The following CDH2 variants were observed in gnomAD, a reference collection of about 807,000 sequenced individuals.
CDH2 encodes cadherin 2.
CDH2 carries 17 observed loss-of-function variants against 92.0 expected under a neutral mutation model. That is an observed-to-expected ratio of 0.18 (90% CI 0.13 to 0.28). The LOEUF is 0.28. CDH2 is among the 10% of genes least tolerant of loss of function. The pLI is 1.00. For synonymous variants in CDH2, 419 were observed against 415.9 expected (o/e 1.01, Z -0.09); for missense variants, 862 against 1,133.1 (o/e 0.76, Z 3.44).
At chr18:27,992,320 A>C (rs1044348169) in intron 9 of CDH2, among the ~76,000 whole-genome samples, 1 of 152,184 alleles carries the variant, frequency 6.6e-6, no homozygotes, top group Admixed American at 6.5e-5. Context: ...GGCCAGTCCT[A>C]TCCTCAGATT....
chr18:28,055,627 T>G (rs2014277441), intron 2 of CDH2, among the ~76,000 whole-genome samples: 1 of 152,214 alleles, frequency 6.6e-6, no homozygotes, highest in African/African-American at 2.4e-5. Context: ...TTTCTAAAAT[T>G]TATAAAGAGC....
At chr18:28,161,833 G>A (rs1339690092) in intron 1 of CDH2, among the ~76,000 whole-genome samples, 1 of 151,976 alleles carries the variant, frequency 6.6e-6, no homozygotes, top group African/African-American at 2.4e-5. Context: ...TTGACCTTTG[G>A]CCAACTTAGA....
chr18:27,955,446 G>A (rs1402475088), intron 15 of CDH2, among the ~76,000 whole-genome samples: 11 of 148,132 alleles, frequency 7.4e-5, no homozygotes, highest in East Asian at 2.0e-4. Flanking sequence ...AAATTAGCCC[G>A]AAAGGGTCAA....
At chr18:28,149,977 T>C (rs946724312) in intron 1 of CDH2, among the ~76,000 whole-genome samples, 1 of 152,238 alleles carries the variant, frequency 6.6e-6, no homozygotes, top group Non-Finnish European at 1.5e-5. Context: ...GACAGTCTGA[T>C]ACTTGACACG....
chr18:27,958,808 C>T (rs1598988220), intron 15 of CDH2, among the ~76,000 whole-genome samples: 1 of 152,064 alleles, frequency 6.6e-6, no homozygotes, highest in African/African-American at 2.4e-5. Flanking sequence ...GCCGCTCTCA[C>T]GATAGTGCGT....
intron 1 of CDH2, among the ~76,000 whole-genome samples, chr18:28,160,345 A>AGTGCTGAGGGGCCTCAGCTTGAAC (rs1376261503): frequency 1.6e-4 from 25 of 152,254 alleles, no homozygotes; most frequent in South Asian, 1.5e-3. Context: ...GGACTCTGGA[A>AGTGCTGAGGGGCCTCAGCTTGAAC]GTGCTGAGGG....
chr18:27,987,538 C>A (rs2012274243), intron 11 of CDH2, among the ~76,000 whole-genome samples: 1 of 152,158 alleles, frequency 6.6e-6, no homozygotes, highest in Non-Finnish European at 1.5e-5. Context: ...ACACCAACTT[C>A]AACCACCAAA....
At chr18:28,122,479 G>C (rs1016608483) in intron 2 of CDH2, among the ~76,000 whole-genome samples, 3 of 151,918 alleles carry the variant, frequency 2.0e-5, no homozygotes, top group African/African-American at 7.3e-5. Context: ...TACGCTATTA[G>C]CAAAGTCAAC....
chr18:28,044,743 CAT>C (rs2014037577), intron 2 of CDH2, among the ~76,000 whole-genome samples: 1 of 150,928 alleles, frequency 6.6e-6, no homozygotes, highest in Admixed American at 6.6e-5. Context: ...GAAGCTTGCA[CAT>C]GTTTTCAACT....
intron 2 of CDH2, among the ~76,000 whole-genome samples, chr18:28,053,848 G>C (rs182262779): frequency 1.3e-5 from 2 of 152,208 alleles, no homozygotes; most frequent in African/African-American, 4.8e-5. Flanking sequence ...GAGGAATGCA[G>C]GAGAGGTACC....
At position 28,007,165 on chromosome 18, in the gene CDH2, A is replaced by AAAAAAATATATAT. The variant is rs1172779200; in HGVS notation, c.703-1173_703-1172insATATATATTTTTT. 1.2e-4 allele frequency among the ~76,000 whole-genome samples: 13 copies of AAAAAAATATATAT among 110,464 alleles called. 1 individual carries two copies. The highest frequency in any genetic ancestry group is 4.9e-4 in the African/African-American group (11 of 22,580). The allele number at this position is 110,464 out of a possible 152,430, so 72.5% of individuals were successfully genotyped here. On this transcript the variant is annotated intron_variant, in intron 5 of 15. Transcript: ENST00000269141. ...ACAGAGTGAGACTCCATAAAAAAAAAATATATATATATATATATATATATA... is the reference window on the plus strand; with the variant it reads ...ACAGAGTGAGACTCCATAAAAAAAAAAAAAAATATATATATATATATATATATATATATATATA...
At chr18:28,034,255 G>A (rs1185322902) in intron 2 of CDH2, among the ~76,000 whole-genome samples, 2 of 151,892 alleles carry the variant, frequency 1.3e-5, no homozygotes, top group African/African-American at 2.4e-5. Flanking sequence ...CCATGCATAC[G>A]CTATAGTCTC....
intron 2 of CDH2, among the ~76,000 whole-genome samples, chr18:28,068,807 T>C (rs1007258211): frequency 3.3e-5 from 5 of 152,200 alleles, no homozygotes; most frequent in African/African-American, 1.2e-4. Flanking sequence ...TTAGATCCCA[T>C]GCTATTTTAG....
chr18:28,044,073 C>T (rs1669337826), intron 2 of CDH2, among the ~76,000 whole-genome samples: 1 of 151,826 alleles, frequency 6.6e-6, no homozygotes, highest in South Asian at 2.1e-4. Context: ...CCACCACGCC[C>T]AGCTGATTTT....
chr18:28,018,793 T>C (rs961748134), intron 2 of CDH2, among the ~76,000 whole-genome samples: 3 of 151,790 alleles, frequency 2.0e-5, no homozygotes, highest in Non-Finnish European at 4.4e-5. Flanking sequence ...AGATCTACTA[T>C]GTGATCCAGC....
At chr18:28,124,103 C>T (rs893249547) in intron 2 of CDH2, among the ~76,000 whole-genome samples, 3 of 151,976 alleles carry the variant, frequency 2.0e-5, no homozygotes, top group East Asian at 3.9e-4. Context: ...CTTCAAACCC[C>T]GAAAATATGC....
intron 6 of CDH2, among the ~76,000 whole-genome samples, chr18:27,942,190 T>C (rs894904098): frequency 2.0e-5 from 3 of 152,238 alleles, no homozygotes; most frequent in Admixed American, 1.3e-4. Flanking sequence ...AAAGTTCTTA[T>C]GGAAGTTCTG....
chr18:28,031,720 A>G (rs1185970002), intron 2 of CDH2, among the ~76,000 whole-genome samples: 1 of 152,122 alleles, frequency 6.6e-6, no homozygotes, highest in African/African-American at 2.4e-5. Flanking sequence ...AGAACTTGGA[A>G]AGCCAGGCAG....
chr18:27,957,489 C>A (rs1000316400), intron 15 of CDH2, among the ~76,000 whole-genome samples: 1 of 151,788 alleles, frequency 6.6e-6, no homozygotes, highest in Non-Finnish European at 1.5e-5. Flanking sequence ...TAGGCTCAAG[C>A]GATCTGCCTG....
Sources: gnomAD v4.1 joint callset for allele counts (sites outside exome capture counted in the v4.1 genomes callset) on GRCh38, gnomAD v4.1.1 for gene constraint, MANE v1.5 for transcripts, NCBI Gene and HGNC (gene_info 2026-07-23, HGNC 2026-07-21) for gene names.